PBRM1: variants seen among roughly 807,000 people sequenced by gnomAD.
PBRM1 encodes the protein protein polybromo-1.
In PBRM1, 27 loss-of-function variants were observed where a neutral mutation model predicts 194.5. The ratio of observed to expected loss-of-function variants is 0.14; its 90% CI spans 0.10 to 0.19. The LOEUF is 0.19. PBRM1 is among the 10% of genes least tolerant of loss of function. The pLI is 1.00. For missense variants in PBRM1, 1,466 were observed against 2,077.2 expected (o/e 0.71, Z 5.72); for synonymous variants, 655 against 693.2 (o/e 0.94, Z 0.87).
chr3:52,549,417 C>CG (rs2080308194), intron 29 of PBRM1, among the ~76,000 whole-genome samples: 2 of 152,170 alleles, frequency 1.3e-5, no homozygotes, highest in African/African-American at 4.8e-5. Context: ...CTGTCCACTT[C>CG]AGCCTCCCAA....
intron 24 of PBRM1, among the ~76,000 whole-genome samples, chr3:52,562,273 G>C (rs991219944): frequency 4.0e-5 from 6 of 149,518 alleles, no homozygotes; most frequent in African/African-American, 1.5e-4. Flanking sequence ...CTTGCATTAA[G>C]CCAAGACGGC....
intron 9 of PBRM1, 102 bp downstream of exon 10, chr3:52,643,144 ACT>A: frequency 1.2e-6 from 1 of 850,536 alleles, no homozygotes; most frequent in Non-Finnish European, 2.0e-6. Flanking sequence ...TAACAACCAA[ACT>A]ATACCCAAAA....
chr3:52,562,318 C>T (rs1319979460), intron 24 of PBRM1, among the ~76,000 whole-genome samples: 1 of 105,964 alleles, frequency 9.4e-6, no homozygotes, highest in African/African-American at 4.0e-5. Flanking sequence ...CAGAGCAAGA[C>T]TCTGTCTCAA....
intron 11 of PBRM1, among the ~76,000 whole-genome samples, chr3:52,634,368 CG>C (rs1404938995): frequency 7.3e-6 from 1 of 136,888 alleles, no homozygotes; most frequent in Admixed American, 8.4e-5. Flanking sequence ...ACCCAGGAGG[CG>C]GAGGTTGCAG....
At chr3:52,621,852 G>A (rs929309582) in intron 13 of PBRM1, among the ~76,000 whole-genome samples, 1 of 152,136 alleles carries the variant, frequency 6.6e-6, no homozygotes, top group Non-Finnish European at 1.5e-5. Flanking sequence ...AGGAGTTCGA[G>A]ACCAGCCTGG....
intron 17 of PBRM1, 77 bp downstream of exon 19, chr3:52,603,444 C>G: frequency 6.8e-7 from 1 of 1,474,012 alleles, no homozygotes; most frequent in Non-Finnish European, 9.1e-7. Context: ...AAACAGGACT[C>G]TTTTCCACAG....
chr3:52,615,996 C>T lies in PBRM1; in HGVS notation c.1819-540G>A, dbSNP rs1308095896. 2.0e-5 allele frequency among the ~76,000 whole-genome samples: 3 copies of T among 152,302 alleles called. No homozygotes were observed. In the East Asian group the frequency reaches 5.8e-4, roughly 29 times the overall value. ...ATATGTAGTCAAGAATAAGGTTACT[C>T]ACCTTATGCTTTGCATCCACAGCCC... On this transcript the variant is annotated intron_variant, in intron 14 of 29. Transcript: ENST00000296302.
intron 10 of PBRM1, among the ~76,000 whole-genome samples, chr3:52,637,447 AATG>A (rs750257957): frequency 6.6e-6 from 1 of 152,016 alleles, no homozygotes; most frequent in Non-Finnish European, 1.5e-5. Flanking sequence ...GTATGGGCAA[AATG>A]ATGAAACTCC....
upstream of PBRM1, among the ~76,000 whole-genome samples, chr3:52,683,214 A>AT (rs1380576807): frequency 2.0e-5 from 3 of 148,232 alleles, no homozygotes; most frequent in East Asian, 3.9e-4. Flanking sequence ...AAAAAATAAT[A>AT]AAAAAAAAAA....
At chr3:52,574,487 A>T (rs2088673908) in intron 22 of PBRM1, among the ~76,000 whole-genome samples, 1 of 152,216 alleles carries the variant, frequency 6.6e-6, no homozygotes, top group Non-Finnish European at 1.5e-5. Context: ...GGCAAAGGGT[A>T]TCAGTCAGGA....
At chr3:52,574,691 G>T (rs2088785968) in intron 22 of PBRM1, among the ~76,000 whole-genome samples, 2 of 152,144 alleles carry the variant, frequency 1.3e-5, no homozygotes, top group African/African-American at 4.8e-5. Context: ...TTCAAGCTCT[G>T]CACAAGTAGG....
intron 5 of PBRM1, among the ~76,000 whole-genome samples, chr3:52,652,073 A>G (rs1273407948): frequency 1.3e-5 from 2 of 152,224 alleles, no homozygotes; most frequent in Admixed American, 1.3e-4. Flanking sequence ...CTAGCATAAA[A>G]TTTAATGTTT....
At chr3:52,630,278 T>C (rs898294445) in intron 11 of PBRM1, among the ~76,000 whole-genome samples, 1 of 152,196 alleles carries the variant, frequency 6.6e-6, no homozygotes, top group African/African-American at 2.4e-5. Flanking sequence ...GTCCACACTG[T>C]CTAGTTCCTG....
chr3:52,659,057 T>A (rs2096665071), intron 4 of PBRM1, among the ~76,000 whole-genome samples: 1 of 152,232 alleles, frequency 6.6e-6, no homozygotes. Context: ...TACATACTTT[T>A]AACCACGGGG....
intron 17 of PBRM1, among the ~76,000 whole-genome samples, chr3:52,590,221 G>C (rs954494669): frequency 6.6e-6 from 1 of 151,858 alleles, no homozygotes; most frequent in Non-Finnish European, 1.5e-5. Flanking sequence ...GGAGGCCGAG[G>C]CGGGCGGATC....
At chr3:52,586,404 G>T in intron 20 of PBRM1, 21 bp downstream of exon 22, 4 of 1,579,166 alleles carry the variant, frequency 2.5e-6, no homozygotes, top group South Asian at 1.1e-5. Flanking sequence ...AATTTTTTCT[G>T]TGTGGCTATT....
chr3:52,588,778 G>A (rs373139914), intron 18 of PBRM1, among the ~76,000 whole-genome samples: 48 of 151,862 alleles, frequency 3.2e-4, no homozygotes, highest in African/African-American at 1.1e-3. Flanking sequence ...GGATGGTCTC[G>A]ATTTCCTGAC....
At chr3:52,567,806 GTTTTT>G (rs1163710948) in intron 22 of PBRM1, among the ~76,000 whole-genome samples, 1 of 98,152 alleles carries the variant, frequency 1.0e-5, no homozygotes. Flanking sequence ...TAATTTTTGT[GTTTTT>G]TTTTTTTTTT....
intron 22 of PBRM1, among the ~76,000 whole-genome samples, chr3:52,570,696 T>C (rs183148179): frequency 4.3e-4 from 66 of 152,330 alleles, no homozygotes; most frequent in African/African-American, 1.2e-3. Context: ...TGGATTTTGA[T>C]TGGAATTGGA....
Sources: allele counts gnomAD v4.1 joint callset (sites outside exome capture counted in the v4.1 genomes callset), GRCh38; gene constraint gnomAD v4.1.1; transcripts MANE v1.5; gene names NCBI Gene and HGNC (gene_info 2026-07-23, HGNC 2026-07-21).